Variants in EVC observed in about 807,000 individuals in gnomAD.
EVC encodes EvC ciliary complex subunit 1, also known as evC complex member EVC.
A neutral mutation model predicts 118.9 loss-of-function variants in EVC; 116 were observed. The ratio of observed to expected loss-of-function variants is 0.98; its 90% CI spans 0.84 to 1.14. The LOEUF (loss-of-function observed/expected upper bound fraction) is 1.14. Among genes scored for constraint, EVC ranks in the 50% most tolerant of loss-of-function variants. The pLI, the probability that EVC is intolerant of heterozygous loss-of-function variation, is 0.00. For missense variants in EVC, 1,401 were observed against 1,246.4 expected, an observed-to-expected ratio of 1.12 and a Z score of -1.87; for synonymous variants, 619 against 534.7, an observed-to-expected ratio of 1.16 and a Z score of -2.18.
intron 11 of EVC, chr4:5,758,279 C>T (rs953296073): frequency 3.5e-5 from 20 of 576,180 alleles, no homozygotes; most frequent in Admixed American, 6.3e-5. Context: ...CCCTCCGGAA[C>T]GGTGAGAGAA....
In EVC at chr4:5,799,433, G is replaced by A. The variant is rs181902326; in HGVS notation, c.2304+641G>A. ...CATGGTCAGGATCATTTTTCTTCCC[G>A]TTGGGAAAAAGAGGCCTACGATTGG... On this transcript the variant is annotated intron_variant, in intron 15 of 20. Transcript: ENST00000264956. 1.6e-3 allele frequency among the ~76,000 whole-genome samples: 249 copies of A among 152,230 alleles called. 3 individuals carry two copies. The highest frequency in any genetic ancestry group is 6.0e-3 in the Admixed American group (92 of 15,298).
chr4:5,808,430 TC>T, intron 18 of EVC, 103 bp downstream of exon 18: 1 of 1,554,358 alleles, frequency 6.4e-7, no homozygotes, highest in Non-Finnish European at 8.8e-7. Flanking sequence ...GGACTGCACT[TC>T]CCTGCCTGTG....
In EVC at chr4:5,738,126, A is replaced by G. The variant is rs1176405077; in HGVS notation, c.703-3590A>G. Among the ~76,000 whole-genome samples, 2 of 152,192 alleles carry G rather than the reference A, an allele frequency of 1.3e-5. No homozygotes were observed. Among genetic ancestry groups the G allele is most frequent in the African/African-American group, 4.8e-5 (2 of 41,456 alleles). On this transcript the variant is annotated intron_variant, in intron 5 of 20. Transcript: ENST00000264956. The surrounding 1 kb of genome is among the most constrained non-coding windows in gnomAD (Gnocchi z 6.5). ...GGGGATTCAGAACTTCAGTGGAGGA[A>G]GTCATTGGAAATGTGGAAATAGCAA...
At chr4:5,783,903 A>C in intron 12 of EVC, 139 bp downstream of exon 12, 1 of 786,708 alleles carries the variant, frequency 1.3e-6, no homozygotes, top group South Asian at 1.6e-5. Flanking sequence ...TCCCTTTCAC[A>C]ATGGCCCACC....
At chr4:5,766,903 T>C (rs936987261) in intron 11 of EVC, among the ~76,000 whole-genome samples, 2 of 152,090 alleles carry the variant, frequency 1.3e-5, no homozygotes, top group Non-Finnish European at 2.9e-5. Context: ...TCTCAGCTTG[T>C]CAAAGTCATT....
intron 11 of EVC, chr4:5,758,015 G>T (rs1361040535): frequency 4.3e-6 from 3 of 697,426 alleles, no homozygotes; most frequent in Non-Finnish European, 7.8e-6. Context: ...TGGTTAGATC[G>T]CACAGTTGGT....
intron 12 of EVC, among the ~76,000 whole-genome samples, chr4:5,788,944 G>T (rs531694797): frequency 6.6e-6 from 1 of 152,272 alleles, no homozygotes; most frequent in South Asian, 2.1e-4. Flanking sequence ...TCTGTGTGTG[G>T]CCCAAGTCAG....
rs1730984138 is a variant in EVC, at chr4:5,755,282, A to C, written c.1465-982A>C. On this transcript the variant is annotated intron_variant, in intron 10 of 20. Transcript: ENST00000264956. This position sits in a 1 kb window ranked among gnomAD's most constrained non-coding sequence, Gnocchi z 4.1. ...AGAGTGTGGAGACAGTGCCTGGGTG[A>C]CCTTGGTGTCCCAGGGCCTCGGTAC... Among the ~76,000 whole-genome samples the C allele has an allele frequency of 6.6e-6, 1 of 152,110 alleles. No homozygotes were observed. The highest frequency in any genetic ancestry group is 6.5e-5 in the Admixed American group (1 of 15,270).
downstream of EVC, among the ~76,000 whole-genome samples, chr4:5,816,525 C>T (rs1012540433): frequency 6.6e-6 from 1 of 152,110 alleles, no homozygotes; most frequent in Non-Finnish European, 1.5e-5. Context: ...TAGAACTGTG[C>T]AGCACCAGAG....
rs752304551 is a variant in EVC, at chr4:5,808,265, G to A, written c.2626G>A (p.Ala876Thr). 36 of 1,612,276 alleles carry A rather than the reference G, an allele frequency of 2.2e-5. No homozygotes were observed. The highest frequency in any genetic ancestry group is 1.0e-4 in the Admixed American group (6 of 59,806). The change falls in exon 18 of 21, where the codon GCC becomes ACC. Residue 876 changes from alanine (A) to threonine (T), a missense_variant. By Grantham distance (58) the Ala-to-Thr change is moderately conservative (BLOSUM62 0). Coordinates refer to ENST00000264956, the MANE Select transcript of EVC (RefSeq NM_153717.3). ...AGTGCACCAGCAGATGCGTCTGCAC[G>A]CCCAGCAGCAGCAGGCAGGAGTCAT... ...FPVHQQMRLH[A>T]QQQQAGVMDL... is the part of the protein sequence containing the mutation.
intron 11 of EVC, among the ~76,000 whole-genome samples, chr4:5,773,413 A>G (rs967446126): frequency 6.6e-6 from 1 of 152,032 alleles, no homozygotes. Context: ...TAGCCTGGGC[A>G]TGTTCTTCTC....
chr4:5,748,522 A>ATCCATCCATCTACCTG, intron 8 of EVC, among the ~76,000 whole-genome samples: 1 of 135,160 alleles, frequency 7.4e-6, no homozygotes, highest in Admixed American at 7.2e-5. Flanking sequence ...CCTTCCATCC[A>ATCCATCCATCTACCTG]TCCATCCATC....
At position 5,776,603 on chromosome 4, in the gene EVC, G is replaced by T. The variant is rs117817597; in HGVS notation, c.1564-6949G>T. Among the ~76,000 whole-genome samples the T allele has an allele frequency of 5.3e-5, 8 of 152,158 alleles. No individual in the cohort carries two copies. The East Asian group carries it at 1.4e-3, about 26-fold the overall frequency. On this transcript the variant is annotated intron_variant, in intron 11 of 20. Transcript: ENST00000264956. The stretch of plus-strand genomic sequence containing the variant: ...TCAAATACTGCTTCTACCCAGACTT[G>T]CCCTCCGATCCTTCAGAGACTCCAA...
At chr4:5,796,555 G>C (rs1167258012) in intron 13 of EVC, among the ~76,000 whole-genome samples, 1 of 151,924 alleles carries the variant, frequency 6.6e-6, no homozygotes, top group East Asian at 1.9e-4. Context: ...AGCCTGGAGC[G>C]TTTGCCAGCC....
chr4:5,814,840 C>G (rs1717432720), downstream of EVC, among the ~76,000 whole-genome samples: 2 of 152,102 alleles, frequency 1.3e-5, no homozygotes, highest in Admixed American at 1.3e-4. Flanking sequence ...CCAGAGATCC[C>G]CCTCTGCCCC....
intron 13 of EVC, among the ~76,000 whole-genome samples, chr4:5,794,325 T>TA (rs1713436313): frequency 7.4e-6 from 1 of 135,262 alleles, no homozygotes; most frequent in Non-Finnish European, 1.5e-5. Context: ...TTATATATAT[T>TA]TATATATATT....
chr4:5,720,818 T>C (rs1342417457), intron 2 of EVC, among the ~76,000 whole-genome samples: 3 of 152,362 alleles, frequency 2.0e-5, no homozygotes, highest in South Asian at 2.1e-4. Flanking sequence ...ATCTTGATAA[T>C]GGGCATCTGC....
chr4:5,769,238 T>G (rs781231925), intron 11 of EVC, among the ~76,000 whole-genome samples: 1 of 152,050 alleles, frequency 6.6e-6, no homozygotes, highest in Non-Finnish European at 1.5e-5. Flanking sequence ...AGAGAGAGCA[T>G]GTGCAGGGGA....
intron 12 of EVC, among the ~76,000 whole-genome samples, chr4:5,788,500 A>G (rs1712133790): frequency 6.6e-6 from 1 of 152,232 alleles, no homozygotes; most frequent in African/African-American, 2.4e-5. Context: ...ATTGATAGAC[A>G]TGAGAAATGG....
Sources: allele counts gnomAD v4.1 joint callset (sites outside exome capture counted in the v4.1 genomes callset), GRCh38; gene constraint gnomAD v4.1.1; non-coding constraint Gnocchi (gnomAD v3.1); transcripts MANE v1.5; gene names NCBI Gene and HGNC (gene_info 2026-07-23, HGNC 2026-07-21).